ICE1: variants seen among roughly 807,000 people sequenced by gnomAD.
ICE1 encodes the protein little elongation complex subunit 1.
ICE1 carries 64 observed loss-of-function variants against 192.7 expected under a neutral mutation model. That is an observed-to-expected ratio of 0.33 (90% CI 0.27 to 0.41). The LOEUF (loss-of-function observed/expected upper bound fraction) is 0.41, where lower values mean the gene tolerates loss of function less well. ICE1 is among the 10% of genes least tolerant of loss of function. The pLI, the probability that ICE1 is intolerant of heterozygous loss-of-function variation, is 1.00. For synonymous variants in ICE1, 1,010 were observed against 984.5 expected (o/e 1.03, Z -0.49); for missense variants, 2,708 against 2,696.0 (o/e 1.00, Z -0.10).
chr5:5,464,241 T>A lies in ICE1; in HGVS notation c.4907T>A (p.Leu1636His). ...QEVGPPLPPL[L>H]APLIATPPRT... ...GTGGGGCCTCCTTTGCCGCCTCTGC[T>A]TGCTCCTCTGATAGCTACACCTCCA... is the stretch of plus-strand genomic sequence containing the variant. Residue 1636 changes from leucine to histidine, a missense_variant, in exon 13 of 19, where the codon CTT becomes CAT. Around this residue, in one of 2 missense-constraint regions of ICE1, gnomAD observed 2,366 missense variants for 2,276.6 expected, o/e 1.04. Transcript: ENST00000296564. This position sits in a 1 kb window ranked among gnomAD's most constrained non-coding sequence, Gnocchi z 4.0. 2 of 1,613,508 alleles carry A rather than the reference T, an allele frequency of 1.2e-6. No individual in the cohort carries two copies. The highest frequency in any genetic ancestry group is 1.7e-6 in the Non-Finnish European group (2 of 1,179,802).
rs114901594 is a variant in ICE1, at chr5:5,437,064, C to A, written c.144-16C>A. On this transcript the variant is annotated splice_polypyrimidine_tract_variant and intron_variant, in intron 2 of 18. Coordinates refer to ENST00000296564, the MANE Select transcript of ICE1 (RefSeq NM_015325.3). ...TAAATTAAAAAGTAACCTAATTTTT[C>A]TTTTCTTTTTTGCAGTAATTTGTTA... is the stretch of plus-strand genomic sequence containing the variant. The A allele has an allele frequency of 4.2e-5, 60 of 1,430,420 alleles. No homozygotes were observed. In the African/African-American group the frequency reaches 7.5e-4, roughly 18 times the overall value. 88.6% of individuals were successfully genotyped at this position (1,430,420 alleles called of 1,614,324 possible). A position where few individuals can be genotyped will look rare whatever the true frequency, so the allele number is the denominator to read the frequency against.
At chr5:5,435,655 G>GTGTT in intron 1 of ICE1, among the ~76,000 whole-genome samples, 2 of 138,660 alleles carry the variant, frequency 1.4e-5, no homozygotes, top group African/African-American at 5.4e-5. Flanking sequence ...AGCCAAATTT[G>GTGTT]TGTTTTTTTT....
chr5:5,442,938 G>A (rs986396341), intron 5 of ICE1, among the ~76,000 whole-genome samples: 1 of 152,150 alleles, frequency 6.6e-6, no homozygotes, highest in South Asian at 2.1e-4. Flanking sequence ...GTTTAGAATT[G>A]CAATAAAATT....
At chr5:5,476,108 T>C in intron 17 of ICE1, 29 bp downstream of exon 17, 2 of 1,344,642 alleles carry the variant, frequency 1.5e-6, no homozygotes, top group Non-Finnish European at 2.1e-6. Flanking sequence ...TATTGTTTTT[T>C]TCTTGTTATT....
intron 1 of ICE1, among the ~76,000 whole-genome samples, chr5:5,430,977 T>G (rs1158221504): frequency 1.3e-5 from 2 of 152,266 alleles, no homozygotes; most frequent in East Asian, 3.8e-4. Context: ...ATGCCAGTTA[T>G]TTAAACTCTT....
Position 5,443,696 on chromosome 5 carries a change from A to G in ICE1, c.386+452A>G, listed in dbSNP as rs368275208. 3.9e-5 allele frequency among the ~76,000 whole-genome samples: 6 copies of G among 152,350 alleles called. No homozygotes were observed. The East Asian group carries it at 9.6e-4, about 24-fold the overall frequency. On this transcript the variant is annotated intron_variant, in intron 6 of 18. Transcript: ENST00000296564. ...GGAATGGGTATCTTTGCTACTATTC[A>G]TAAAAAGGGCTGTTCAGAAGCATCC...
chr5:5,446,337 T>C (rs1430681124), intron 7 of ICE1, among the ~76,000 whole-genome samples: 1 of 152,014 alleles, frequency 6.6e-6, no homozygotes, highest in Non-Finnish European at 1.5e-5. Flanking sequence ...CTCCGTCACC[T>C]AGGCTGGAGT....
intron 18 of ICE1, among the ~76,000 whole-genome samples, chr5:5,488,673 C>A (rs893391543): frequency 1.3e-5 from 2 of 152,048 alleles, no homozygotes; most frequent in Non-Finnish European, 2.9e-5. Flanking sequence ...AAGTATGGTA[C>A]GCTACAAAAA....
At chr5:5,473,819 C>A in intron 16 of ICE1, 71 bp downstream of exon 16, 3 of 1,141,854 alleles carry the variant, frequency 2.6e-6, no homozygotes, top group South Asian at 1.7e-5. Flanking sequence ...TGAATTGTGG[C>A]TTGAATCATT....
At chr5:5,460,386 T>C (rs1738731028) in intron 12 of ICE1, 50 bp from the exon 13 acceptor site, 2 of 1,087,320 alleles carry the variant, frequency 1.8e-6, no homozygotes, top group South Asian at 1.7e-5. Flanking sequence ...TTGATAGTCA[T>C]GTTAATCTGT....
At chr5:5,475,627 C>A (rs193095293) in intron 16 of ICE1, among the ~76,000 whole-genome samples, 1 of 152,204 alleles carries the variant, frequency 6.6e-6, no homozygotes, top group African/African-American at 2.4e-5. Flanking sequence ...GCTTCTAAAA[C>A]ACAGGGGCTG....
Position 5,463,584 on chromosome 5 carries a change from T to A in ICE1, c.4250T>A (p.Val1417Asp). The A allele has an allele frequency of 6.2e-7, 1 of 1,613,948 alleles. No homozygotes were observed. Among genetic ancestry groups the A allele is most frequent in the Non-Finnish European group, 8.5e-7 (1 of 1,179,888 alleles). The change falls in exon 13 of 19, where the codon GTC becomes GAC. Residue 1417 changes from valine to aspartate, a missense_variant. Val to Asp is a radical substitution (Grantham distance 152, BLOSUM62 -3). Transcript: ENST00000296564. ...NVLINKDQNLVIEKGDNWTII... is the reference protein window; with the variant it reads ...NVLINKDQNLDIEKGDNWTII... ...CTTATAAATAAGGATCAGAATCTAG[T>A]CATTGAAAAGGGGGACAACTGGACA...
chr5:5,447,428 G>A lies in ICE1; in HGVS notation c.426G>A (p.Glu142=). Residue 142 remains glutamate, a splice_region_variant and synonymous_variant, in exon 8 of 19, where the codon GAG becomes GAA. Transcript: ENST00000296564. The stretch of plus-strand genomic sequence containing the variant: ...CCTATTGCTTCATTGGACTTAAAGA[G>A]GCTGCTGTCAAGCAAACTCAGGACT... ...KLEAKVKKLQ[E]AAVKQTQDFK... 6.4e-7 allele frequency: 1 copy of A among 1,550,418 alleles called. No individual in the cohort carries two copies. Among genetic ancestry groups the A allele is most frequent in the Non-Finnish European group, 8.7e-7 (1 of 1,145,916 alleles).
At chr5:5,451,227 A>T (rs1738405496) in intron 10 of ICE1, among the ~76,000 whole-genome samples, 2 of 152,216 alleles carry the variant, frequency 1.3e-5, no homozygotes, top group Non-Finnish European at 1.5e-5. Context: ...GAAAGTAAAC[A>T]GTAGGGCAAT....
chr5:5,454,844 A>G lies in ICE1; in HGVS notation c.691+206A>G, dbSNP rs113433027. 3.3e-3 allele frequency among the ~76,000 whole-genome samples: 496 copies of G among 152,156 alleles called. 2 individuals carry two copies. Among genetic ancestry groups the G allele is most frequent in the African/African-American group, 0.011 (470 of 41,422 alleles). On this transcript the variant is annotated intron_variant, in intron 11 of 18. Coordinates refer to ENST00000296564, the MANE Select transcript of ICE1 (RefSeq NM_015325.3). ...TAAATACATTTAGCTTTCATCAGAGAACCTTCAAAAAAAAACGAGAAGGTC... is the reference window on the plus strand; with the variant it reads ...TAAATACATTTAGCTTTCATCAGAGGACCTTCAAAAAAAAACGAGAAGGTC...
At chr5:5,448,973 C>T (rs1421067695) in intron 10 of ICE1, among the ~76,000 whole-genome samples, 2 of 152,164 alleles carry the variant, frequency 1.3e-5, no homozygotes, top group Non-Finnish European at 2.9e-5. Context: ...ACAACGTTTG[C>T]TTTCCCATTC....
At position 5,460,781 on chromosome 5, in the gene ICE1, A is replaced by G. The variant is rs1273851967; in HGVS notation, c.1447A>G (p.Lys483Glu). The G allele has an allele frequency of 1.2e-6, 2 of 1,614,042 alleles. No homozygotes were observed. Among genetic ancestry groups the G allele is most frequent in the South Asian group, 1.1e-5 (1 of 91,086 alleles). Residue 483 changes from lysine (K) to glutamate (E), a missense_variant, in exon 13 of 19, where the codon AAA becomes GAA. Physicochemically the swap from Lys to Glu is moderately conservative, Grantham distance 56. Coordinates refer to ENST00000296564, the MANE Select transcript of ICE1 (RefSeq NM_015325.3). ...DRKRDILHETKTQMEVREMDK... is the reference protein window; with the variant it reads ...DRKRDILHETETQMEVREMDK... Reference sequence around the variant, plus strand: ...AAAAAGAGACATTTTACATGAGACAAAAACACAAATGGAGGTTAGGGAGAT... The same window carrying G: ...AAAAAGAGACATTTTACATGAGACAGAAACACAAATGGAGGTTAGGGAGAT...
chr5:5,451,077 A>G (rs1738401408), intron 10 of ICE1, among the ~76,000 whole-genome samples: 1 of 152,138 alleles, frequency 6.6e-6, no homozygotes, highest in Non-Finnish European at 1.5e-5. Context: ...ACAATTTAAT[A>G]TGAGCTTTTA....
chr5:5,473,797 A>T (rs751757245), intron 16 of ICE1, 49 bp downstream of exon 16: 101 of 1,314,224 alleles, frequency 7.7e-5, no homozygotes, highest in Admixed American at 8.3e-5. Context: ...GTAAGGTTGA[A>T]TTGTTGAACA....
Sources: gnomAD v4.1 joint callset for allele counts (sites outside exome capture counted in the v4.1 genomes callset) on GRCh38, gnomAD v4.1.1 for gene constraint, gnomAD v4.1.1 regional missense constraint, Gnocchi (gnomAD v3.1) non-coding constraint, MANE v1.5 for transcripts, NCBI Gene and HGNC (gene_info 2026-07-23, HGNC 2026-07-21) for gene names.